The following EFCAB11 variants were observed in gnomAD, a reference collection of about 807,000 sequenced individuals.
EFCAB11 encodes the protein EF-hand calcium binding domain 11.
EFCAB11 carries 14 observed loss-of-function variants against 23.0 expected under a neutral mutation model. The observed-to-expected ratio is 0.61, with a 90% confidence interval of 0.40 to 0.95. EFCAB11 has a LOEUF of 0.95. Among genes scored for constraint, EFCAB11 ranks in the 40% least tolerant of loss-of-function variants. EFCAB11 has a pLI of 0.00. For synonymous variants in EFCAB11, 65 were observed against 66.6 expected, an observed-to-expected ratio of 0.98 and a Z score of 0.11; for missense variants, 198 against 195.8, an observed-to-expected ratio of 1.01 and a Z score of -0.07.
chr14:89,920,136 C>G (rs543945407), intron 5 of EFCAB11, among the ~76,000 whole-genome samples: 56 of 152,318 alleles, frequency 3.7e-4, no homozygotes, highest in African/African-American at 1.1e-3. Context: ...AGGCAAGATG[C>G]GTAACACATG....
At chr14:89,841,274 T>G (rs1301545001) in intron 5 of EFCAB11, among the ~76,000 whole-genome samples, 2 of 152,164 alleles carry the variant, frequency 1.3e-5, no homozygotes, top group Admixed American at 6.5e-5. Flanking sequence ...CGCCTGACTC[T>G]TCTGGAACAC....
intron 3 of EFCAB11, among the ~76,000 whole-genome samples, chr14:89,936,796 T>C (rs968219224): frequency 6.6e-6 from 1 of 152,196 alleles, no homozygotes. Context: ...AACACATTAA[T>C]GTAAGCTGTA....
intron 5 of EFCAB11, among the ~76,000 whole-genome samples, chr14:89,880,762 T>G (rs1449924704): frequency 6.6e-6 from 1 of 152,216 alleles, no homozygotes; most frequent in Non-Finnish European, 1.5e-5. Context: ...GTCTGCTTGG[T>G]ACTTATCTTG....
chr14:89,929,742 T>C, intron 5 of EFCAB11, among the ~76,000 whole-genome samples: 1 of 152,238 alleles, frequency 6.6e-6, no homozygotes, highest in East Asian at 1.9e-4. Context: ...ATAGGTGACA[T>C]TATGTTTTAA....
intron 5 of EFCAB11, among the ~76,000 whole-genome samples, chr14:89,919,501 T>C (rs544179275): frequency 2.0e-5 from 3 of 152,204 alleles, no homozygotes; most frequent in East Asian, 3.9e-4. Context: ...GTGGAGGACA[T>C]GGCACTGGGA....
At chr14:89,861,440 T>A (rs1887916434) in intron 5 of EFCAB11, among the ~76,000 whole-genome samples, 1 of 152,222 alleles carries the variant, frequency 6.6e-6, no homozygotes, top group Non-Finnish European at 1.5e-5. Flanking sequence ...GTCAGTTACT[T>A]AGTTCTCTGG....
rs148204333 is a variant in EFCAB11 at position 89,943,828 on chromosome 14, A to AAC, written c.217+6267_217+6268dup. Among the ~76,000 whole-genome samples, 821 of 150,588 alleles carry AAC rather than the reference A, an allele frequency of 5.5e-3. 4 individuals are homozygous for AAC. The highest frequency in any genetic ancestry group is 0.012 in the African/African-American group (503 of 41,154). ...TTGTGGTCTTGAGTTTCTCCAAATA[A>AAC]ACACACACACACACACACATACATA... On this transcript the variant is annotated intron_variant, in intron 3 of 5. Coordinates refer to ENST00000316738, the MANE Select transcript of EFCAB11 (RefSeq NM_145231.4).
At chr14:89,946,043 C>T (rs751182569) in intron 3 of EFCAB11, among the ~76,000 whole-genome samples, 7 of 151,950 alleles carry the variant, frequency 4.6e-5, no homozygotes, top group Non-Finnish European at 7.4e-5. Context: ...CTCAGCCCCC[C>T]GAGTAGCTGG....
chr14:89,924,375 T>C, intron 5 of EFCAB11: 1 of 1,176,346 alleles, frequency 8.5e-7, no homozygotes, highest in Non-Finnish European at 1.1e-6. Flanking sequence ...GCCTGTGCAC[T>C]CAGGATCTTG....
Position 89,952,539 on chromosome 14 carries a change from A to T in EFCAB11, c.171+1367T>A, listed in dbSNP as rs1891208795. Reference sequence around the variant, plus strand: ...CCTGACTACTTCTCTGAGCTCCATAATAAGCTTCTCAGTAACTAGGCAGCC... The same window carrying T: ...CCTGACTACTTCTCTGAGCTCCATATTAAGCTTCTCAGTAACTAGGCAGCC... On this transcript the variant is annotated intron_variant, in intron 2 of 5. Coordinates refer to ENST00000316738, the MANE Select transcript of EFCAB11 (RefSeq NM_145231.4). The T allele has an allele frequency of 3.0e-6, 3 of 985,344 alleles. No homozygotes were observed. In the South Asian group the frequency reaches 1.4e-4, roughly 46 times the overall value. 61.0% of individuals were successfully genotyped at this position (985,344 alleles called of 1,614,324 possible). A position where few individuals can be genotyped will look rare whatever the true frequency, so the allele number is the denominator to read the frequency against.
At chr14:89,850,812 G>A (rs981786816) in intron 5 of EFCAB11, among the ~76,000 whole-genome samples, 11 of 152,276 alleles carry the variant, frequency 7.2e-5, no homozygotes, top group South Asian at 2.1e-4. Flanking sequence ...AGGATTTCAC[G>A]CTACATGGCC....
At chr14:89,882,222 A>G (rs572853660) in intron 5 of EFCAB11, among the ~76,000 whole-genome samples, 2 of 152,358 alleles carry the variant, frequency 1.3e-5, no homozygotes, top group East Asian at 1.9e-4. Flanking sequence ...ACTTTATTCA[A>G]TGCATTATAA....
Position 89,864,266 on chromosome 14 carries a change from A to G in EFCAB11, c.411-66942T>C, listed in dbSNP as rs542655435. 3.9e-5 allele frequency among the ~76,000 whole-genome samples: 6 copies of G among 152,360 alleles called. No individual in the cohort carries two copies. The East Asian group carries it at 7.7e-4, about 20-fold the overall frequency. On this transcript the variant is annotated intron_variant, in intron 5 of 5. Coordinates refer to ENST00000316738, the MANE Select transcript of EFCAB11 (RefSeq NM_145231.4). ...GAGCCATACTAACAAATTAGTGATT[A>G]TATGAATGAGTGTCATGGGCAAGGC...
chr14:89,921,743 A>G (rs999822062), intron 5 of EFCAB11, among the ~76,000 whole-genome samples: 26 of 152,186 alleles, frequency 1.7e-4, no homozygotes, highest in Non-Finnish European at 5.9e-5. Flanking sequence ...AGTACTGGAA[A>G]TCTTTGGTCT....
intron 5 of EFCAB11, among the ~76,000 whole-genome samples, chr14:89,847,542 C>T (rs1887468489): frequency 6.6e-6 from 1 of 152,044 alleles, no homozygotes; most frequent in Non-Finnish European, 1.5e-5. Flanking sequence ...GAGTTTAAGA[C>T]CAGCCTGACC....
rs377614077 is a variant in EFCAB11 at position 89,931,415 on chromosome 14, T to C, written c.410+126A>G. ...ATTTCCCTCCTGGACCATGACACTA[T>C]GCTGCAAGAGAAAAATGTTCCAGAC... On this transcript the variant is annotated intron_variant, in intron 5 of 5. Transcript: ENST00000316738. 59 of 857,926 alleles carry C rather than the reference T, an allele frequency of 6.9e-5. 1 individual carries two copies. Among genetic ancestry groups the C allele is most frequent in the Non-Finnish European group, 9.1e-5 (49 of 538,114 alleles). 53.1% of individuals were successfully genotyped at this position (857,926 alleles called of 1,614,324 possible). A position where few individuals can be genotyped will look rare whatever the true frequency, so the allele number is the denominator to read the frequency against.
At chr14:89,954,225 C>T in intron 1 of EFCAB11, 1 of 1,100,134 alleles carries the variant, frequency 9.1e-7, no homozygotes. Context: ...ACGAGTTAAC[C>T]GCTAGGTGAC....
chr14:89,860,812 T>C (rs774104491), intron 5 of EFCAB11, among the ~76,000 whole-genome samples: 8 of 152,238 alleles, frequency 5.3e-5, no homozygotes, highest in Non-Finnish European at 1.2e-4. Flanking sequence ...ATTAATAATA[T>C]ACTGGCATTT....
intron 5 of EFCAB11, among the ~76,000 whole-genome samples, chr14:89,897,803 T>A (rs909374885): frequency 6.6e-6 from 1 of 152,240 alleles, no homozygotes; most frequent in Non-Finnish European, 1.5e-5. Context: ...GCAAACTTAA[T>A]ATGCCATTTT....
Sources: allele counts gnomAD v4.1 joint callset (sites outside exome capture counted in the v4.1 genomes callset), GRCh38; gene constraint gnomAD v4.1.1; transcripts MANE v1.5; gene names NCBI Gene and HGNC (gene_info 2026-07-23, HGNC 2026-07-21).